The following FAM13A variants were observed in gnomAD, a reference collection of about 807,000 sequenced individuals.
FAM13A encodes family with sequence similarity 13 member A.
In FAM13A, 76 loss-of-function variants were observed where a neutral mutation model predicts 129.6. That is an observed-to-expected ratio of 0.59 (90% CI 0.49 to 0.71). The LOEUF (loss-of-function observed/expected upper bound fraction) is 0.71. Ranked by LOEUF, FAM13A falls within the 30% of genes least tolerant of loss-of-function variation. The pLI is 0.00. For synonymous variants in FAM13A, 443 were observed against 449.9 expected (o/e 0.98, Z 0.20); for missense variants, 1,108 against 1,249.3 (o/e 0.89, Z 1.70).
intron 21 of FAM13A, 135 bp from the exon 22 acceptor site, chr4:88,732,333 T>C (rs1738007786): frequency 7.0e-6 from 4 of 573,236 alleles, no homozygotes; most frequent in African/African-American, 1.9e-5. Context: ...GCAACACATA[T>C]GTACATTACA....
intron 4 of FAM13A, among the ~76,000 whole-genome samples, chr4:88,978,650 T>C (rs767085283): frequency 1.2e-4 from 18 of 152,090 alleles, no homozygotes; most frequent in South Asian, 8.3e-4. Context: ...AAAAATTAGC[T>C]GGGCGTGGTG....
intron 19 of FAM13A, among the ~76,000 whole-genome samples, chr4:88,742,552 C>A (rs983478978): frequency 8.5e-5 from 13 of 152,150 alleles, no homozygotes; most frequent in African/African-American, 3.1e-4. Flanking sequence ...TTATCATAAT[C>A]ATTTTCATAA....
intron 4 of FAM13A, among the ~76,000 whole-genome samples, chr4:88,986,442 C>T (rs978938211): frequency 6.6e-6 from 1 of 152,194 alleles, no homozygotes; most frequent in Admixed American, 6.5e-5. Context: ...CCAATTTTCA[C>T]TTTTAAGCCA....
At chr4:88,953,080 C>A (rs933610967) in intron 4 of FAM13A, among the ~76,000 whole-genome samples, 3 of 152,170 alleles carry the variant, frequency 2.0e-5, no homozygotes, top group African/African-American at 7.2e-5. Context: ...TTAGAGTGTA[C>A]AATTCAATGC....
At chr4:88,787,686 A>G (rs796112402) in intron 10 of FAM13A, 67 bp downstream of exon 10, 1 of 1,472,690 alleles carries the variant, frequency 6.8e-7, no homozygotes, top group South Asian at 1.2e-5. Flanking sequence ...CACAGCGACT[A>G]ATTTGGGTGT....
chr4:88,805,146 T>A lies in FAM13A; in HGVS notation c.1008-94A>T, dbSNP rs577103538. On this transcript the variant is annotated intron_variant, in intron 7 of 23. Transcript: ENST00000264344. ...GTTCTACCTGTAAAAAATGTTGATT[T>A]AGCACATTAAAGCCAATCACATGAT... The A allele has an allele frequency of 5.3e-5, 39 of 731,386 alleles. No homozygotes were observed. The East Asian group carries it at 1.0e-3, about 20-fold the overall frequency. The allele number at this position is 731,386 out of a possible 1,614,324, so 45.3% of individuals were successfully genotyped here. A position where few individuals can be genotyped will look rare whatever the true frequency, so the allele number is the denominator to read the frequency against.
At chr4:88,731,011 C>T (rs927898498) in intron 23 of FAM13A, among the ~76,000 whole-genome samples, 4 of 152,138 alleles carry the variant, frequency 2.6e-5, no homozygotes, top group South Asian at 2.1e-4. Flanking sequence ...CCACCACCAG[C>T]GGGAAACGCA....
intron 6 of FAM13A, among the ~76,000 whole-genome samples, chr4:88,896,054 A>G (rs1294704477): frequency 6.0e-5 from 9 of 149,364 alleles, no homozygotes; most frequent in Non-Finnish European, 1.2e-4. Flanking sequence ...GATTAAGAAA[A>G]TGTGGCACAT....
At chr4:88,748,101 C>G (rs1358626348) in intron 17 of FAM13A, among the ~76,000 whole-genome samples, 1 of 152,048 alleles carries the variant, frequency 6.6e-6, no homozygotes, top group East Asian at 1.9e-4. Flanking sequence ...ACCATGTTAG[C>G]CAGGATGGTC....
chr4:88,876,599 CT>C (rs548848332), intron 6 of FAM13A, among the ~76,000 whole-genome samples: 7 of 149,396 alleles, frequency 4.7e-5, no homozygotes, highest in African/African-American at 9.8e-5. Flanking sequence ...CACATCACTT[CT>C]TTTTTTTTTG....
intron 4 of FAM13A, among the ~76,000 whole-genome samples, chr4:88,969,907 A>G (rs1053812601): frequency 6.6e-6 from 1 of 152,210 alleles, no homozygotes; most frequent in Non-Finnish European, 1.5e-5. Flanking sequence ...TAGCCTGCTC[A>G]CATTTCTGCT....
intron 5 of FAM13A, among the ~76,000 whole-genome samples, chr4:88,926,137 T>G (rs547895906): frequency 2.0e-5 from 3 of 152,064 alleles, no homozygotes; most frequent in Non-Finnish European, 4.4e-5. Flanking sequence ...GGCAACAGTG[T>G]AAAATACACA....
chr4:88,991,782 T>C (rs1173107805), intron 3 of FAM13A, among the ~76,000 whole-genome samples: 5 of 152,180 alleles, frequency 3.3e-5, no homozygotes, highest in Admixed American at 6.5e-5. Context: ...ACAAAGATTA[T>C]CTCCTTGACC....
At chr4:88,874,762 A>T (rs1742078969) in intron 6 of FAM13A, among the ~76,000 whole-genome samples, 1 of 152,186 alleles carries the variant, frequency 6.6e-6, no homozygotes, top group African/African-American at 2.4e-5. Flanking sequence ...GCTACCAATG[A>T]CTTTCTTCAC....
intron 6 of FAM13A, among the ~76,000 whole-genome samples, chr4:88,899,556 T>A (rs1746919818): frequency 1.3e-5 from 2 of 152,082 alleles, no homozygotes; most frequent in African/African-American, 2.4e-5. Flanking sequence ...ATATACTTAG[T>A]AAGTAGGCAT....
At chr4:88,775,377 A>G (rs1721490213) in intron 11 of FAM13A, among the ~76,000 whole-genome samples, 1 of 152,044 alleles carries the variant, frequency 6.6e-6, no homozygotes, top group African/African-American at 2.4e-5. Context: ...TGGGGATGGA[A>G]TCTAGACTAT....
chr4:88,807,095 C>G (rs955819552), intron 7 of FAM13A, among the ~76,000 whole-genome samples: 1 of 152,102 alleles, frequency 6.6e-6, no homozygotes, highest in Admixed American at 6.6e-5. Context: ...CAGAACAGAT[C>G]CTTTACTCTA....
At chr4:88,882,765 A>G (rs1409310796) in intron 6 of FAM13A, among the ~76,000 whole-genome samples, 4 of 152,124 alleles carry the variant, frequency 2.6e-5, no homozygotes, top group South Asian at 4.1e-4. Flanking sequence ...GCTATCTTCA[A>G]GAGACTCACC....
intron 7 of FAM13A, among the ~76,000 whole-genome samples, chr4:88,849,145 G>A (rs771423470): frequency 9.9e-5 from 15 of 152,192 alleles, no homozygotes; most frequent in Non-Finnish European, 1.9e-4. Flanking sequence ...TGTAGTAAAT[G>A]TGTCTTTAAG....
Sources: allele counts gnomAD v4.1 joint callset (sites outside exome capture counted in the v4.1 genomes callset), GRCh38; gene constraint gnomAD v4.1.1; transcripts MANE v1.5; gene names NCBI Gene and HGNC (gene_info 2026-07-23, HGNC 2026-07-21).